The following NOSTRIN variants were observed in gnomAD, a reference collection of about 807,000 sequenced individuals.
NOSTRIN encodes BM247 homolog.
Under a neutral mutation model 59.0 loss-of-function variants are expected in NOSTRIN, and 63 were observed. The ratio of observed to expected loss-of-function variants is 1.07; its 90% CI spans 0.87 to 1.32. The LOEUF is 1.32. Among genes scored for constraint, NOSTRIN ranks in the 40% most tolerant of loss-of-function variants. NOSTRIN has a pLI of 0.00. For missense variants in NOSTRIN, 512 were observed against 473.1 expected, an observed-to-expected ratio of 1.08 and a Z score of -0.76; for synonymous variants, 200 against 165.4, an observed-to-expected ratio of 1.21 and a Z score of -1.61.
chr2:168,787,680 T>C (rs1685241314), intron 1 of NOSTRIN, among the ~76,000 whole-genome samples: 1 of 152,194 alleles, frequency 6.6e-6, no homozygotes, highest in South Asian at 2.1e-4. Context: ...GAATATGCAT[T>C]TACAGAAAGA....
At chr2:168,853,208 T>C (rs1284733122) in intron 10 of NOSTRIN, among the ~76,000 whole-genome samples, 1 of 152,192 alleles carries the variant, frequency 6.6e-6, no homozygotes, top group Non-Finnish European at 1.5e-5. Context: ...AATGAGTGAA[T>C]AGTATTTTCT....
At position 168,792,467 on chromosome 2, in the gene NOSTRIN, T is replaced by C. The variant is rs139390221; in HGVS notation, c.-473+4419T>C. ...ATTATCTTTATTTTATTTTATTTTT[T>C]GAGATGGAGTCCCGCTCTGTCACCC... On this transcript the variant is annotated intron_variant, in intron 2 of 20. Transcript: ENST00000458381. Among the ~76,000 whole-genome samples the C allele has an allele frequency of 1.6e-4, 24 of 152,242 alleles. 1 individual carries two copies. The East Asian group carries it at 4.6e-3, about 29-fold the overall frequency.
intron 2 of NOSTRIN, among the ~76,000 whole-genome samples, chr2:168,791,453 A>G (rs1643902582): frequency 6.6e-6 from 1 of 152,200 alleles, no homozygotes; most frequent in Non-Finnish European, 1.5e-5. Flanking sequence ...CAATAAACAT[A>G]CGTGTGCTTT....
chr2:168,827,457 C>T (rs981507294), intron 3 of NOSTRIN, among the ~76,000 whole-genome samples: 5 of 152,166 alleles, frequency 3.3e-5, no homozygotes, highest in Non-Finnish European at 7.3e-5. Flanking sequence ...TATCACTTAA[C>T]TTTTCTGAGT....
intron 2 of NOSTRIN, chr2:168,811,912 C>T (rs1686158313): frequency 6.7e-6 from 2 of 296,976 alleles, no homozygotes; most frequent in African/African-American, 2.2e-5. Context: ...GGGTTTATTA[C>T]CCTCTCCTGG....
chr2:168,790,944 T>A (rs1006714126), intron 2 of NOSTRIN, among the ~76,000 whole-genome samples: 1 of 152,204 alleles, frequency 6.6e-6, no homozygotes, highest in Non-Finnish European at 1.5e-5. Context: ...TTGCAATTTG[T>A]TTGTAACTTT....
At chr2:168,790,899 T>C (rs1290019805) in intron 2 of NOSTRIN, among the ~76,000 whole-genome samples, 1 of 152,224 alleles carries the variant, frequency 6.6e-6, no homozygotes, top group Non-Finnish European at 1.5e-5. Flanking sequence ...TGGCAACTTA[T>C]TCAGGACAGA....
intron 7 of NOSTRIN, among the ~76,000 whole-genome samples, chr2:168,838,786 ACT>A (rs1553528792): frequency 1.7e-5 from 2 of 120,384 alleles, no homozygotes; most frequent in East Asian, 2.5e-4. Flanking sequence ...AATAAAAAAA[ACT>A]CTTTTTTTTT....
At chr2:168,863,273 G>A (rs1182879025) in intron 15 of NOSTRIN, 3 of 346,538 alleles carry the variant, frequency 8.7e-6, no homozygotes, top group African/African-American at 2.2e-5. Flanking sequence ...TTACTGACGA[G>A]GGAGAACTTA....
At chr2:168,793,039 A>G (rs1369352917) in intron 2 of NOSTRIN, among the ~76,000 whole-genome samples, 1 of 152,152 alleles carries the variant, frequency 6.6e-6, no homozygotes, top group African/African-American at 2.4e-5. Flanking sequence ...AGTCCCTCCC[A>G]TGGAAGCCAT....
chr2:168,858,173 G>A (rs182268801), intron 12 of NOSTRIN, among the ~76,000 whole-genome samples: 5 of 152,332 alleles, frequency 3.3e-5, no homozygotes, highest in African/African-American at 9.6e-5. Context: ...CAGCATACAT[G>A]TATTAGGATC....
intron 6 of NOSTRIN, among the ~76,000 whole-genome samples, chr2:168,832,090 T>A (rs1687395376): frequency 6.6e-6 from 1 of 152,174 alleles, no homozygotes; most frequent in Non-Finnish European, 1.5e-5. Flanking sequence ...TGGGTAGTGA[T>A]ATGTAAAAGG....
intron 15 of NOSTRIN, among the ~76,000 whole-genome samples, 200 bp from the exon 16 acceptor site, chr2:168,864,634 T>TCTTA (rs796448347): frequency 8.9e-4 from 135 of 152,338 alleles, no homozygotes; most frequent in African/African-American, 3.2e-3. Context: ...TTGTTCATTA[T>TCTTA]CTTACTCTTT....
At chr2:168,792,389 G>C (rs1324714802) in intron 2 of NOSTRIN, among the ~76,000 whole-genome samples, 2 of 151,984 alleles carry the variant, frequency 1.3e-5, no homozygotes, top group East Asian at 3.8e-4. Flanking sequence ...AGTTTTGTAA[G>C]TTTTTGAATT....
intron 12 of NOSTRIN, chr2:168,859,205 C>G (rs1689293100): frequency 4.3e-6 from 1 of 234,212 alleles, no homozygotes; most frequent in African/African-American, 2.3e-5. Flanking sequence ...TATCCCCTTT[C>G]TTGTCCCTCA....
At chr2:168,802,484 G>A, upstream of NOSTRIN, 4 of 629,140 alleles carry the variant, frequency 6.4e-6, no homozygotes, top group Non-Finnish European at 1.2e-5. Flanking sequence ...GACACAAACG[G>A]GATGAAAGTC....
intron 2 of NOSTRIN, among the ~76,000 whole-genome samples, chr2:168,822,529 A>T (rs1219672628): frequency 2.0e-5 from 3 of 152,254 alleles, no homozygotes. Flanking sequence ...CATAATAAAT[A>T]ATTCTAAAAT....
chr2:168,805,278 G>T (rs905228643), intron 1 of NOSTRIN, among the ~76,000 whole-genome samples: 1 of 152,184 alleles, frequency 6.6e-6, no homozygotes, highest in Non-Finnish European at 1.5e-5. Flanking sequence ...TTGCCTAAAT[G>T]CTGTGTAGGA....
intron 5 of NOSTRIN, among the ~76,000 whole-genome samples, chr2:168,830,747 G>T (rs1160070885): frequency 6.6e-6 from 1 of 152,192 alleles, no homozygotes; most frequent in East Asian, 1.9e-4. Flanking sequence ...ATTCACTTCA[G>T]GGGTAATGGA....
Sources: gnomAD v4.1 joint callset for allele counts (sites outside exome capture counted in the v4.1 genomes callset) on GRCh38, gnomAD v4.1.1 for gene constraint, MANE v1.5 for transcripts, NCBI Gene and HGNC (gene_info 2026-07-23, HGNC 2026-07-21) for gene names.